Variants in CRYL1 observed in about 807,000 individuals in gnomAD.
CRYL1 encodes the protein crystallin lambda 1.
A neutral mutation model predicts 36.6 loss-of-function variants in CRYL1; 29 were observed. That is an observed-to-expected ratio of 0.79 (90% CI 0.59 to 1.08). The LOEUF (loss-of-function observed/expected upper bound fraction) is 1.08. Among genes scored for constraint, CRYL1 ranks in the 50% least tolerant of loss-of-function variants. CRYL1 has a pLI of 0.00. For missense variants in CRYL1, 411 were observed against 407.9 expected (o/e 1.01, Z -0.06); for synonymous variants, 152 against 151.5 (o/e 1.00, Z -0.02).
chr13:20,432,791 A>C (rs1244118556), intron 4 of CRYL1, among the ~76,000 whole-genome samples: 1 of 152,102 alleles, frequency 6.6e-6, no homozygotes, highest in Non-Finnish European at 1.5e-5. Context: ...GTCGAGGTGG[A>C]GGGATCACTT....
At chr13:20,489,279 C>A in intron 3 of CRYL1, 91 bp downstream of exon 3, 1 of 1,502,982 alleles carries the variant, frequency 6.7e-7, no homozygotes, top group Non-Finnish European at 9.0e-7. Flanking sequence ...CCCACACCTG[C>A]CACTGCTCTG....
At chr13:20,437,168 AAGAGAG>A (rs35923379) in intron 4 of CRYL1, among the ~76,000 whole-genome samples, 2 of 151,374 alleles carry the variant, frequency 1.3e-5, no homozygotes, top group Non-Finnish European at 1.5e-5. Context: ...AGAATAAAAA[AAGAGAG>A]AGAGAGAGAG....
chr13:20,475,956 C>T (rs890062883), intron 3 of CRYL1, among the ~76,000 whole-genome samples: 2 of 152,182 alleles, frequency 1.3e-5, no homozygotes, highest in African/African-American at 4.8e-5. Context: ...AGTGGACTTG[C>T]TCCAGGAAGG....
rs1270212821 is a variant in CRYL1 at position 20,415,987 on chromosome 13, T to G, written c.634-2600A>C. Among the ~76,000 whole-genome samples the G allele has an allele frequency of 6.6e-6, 1 of 152,178 alleles. No individual in the cohort carries two copies. On this transcript the variant is annotated intron_variant, in intron 5 of 7. Coordinates refer to ENST00000298248, the MANE Select transcript of CRYL1 (RefSeq NM_015974.3). The surrounding 1 kb of genome is among the most constrained non-coding windows in gnomAD (Gnocchi z 4.1). ...GCCTTTGGCTAGTCTGGGGCTCCTGTGAGCAGGGCAGCCAGGGTCACGCGC... is the reference window on the plus strand; with the variant it reads ...GCCTTTGGCTAGTCTGGGGCTCCTGGGAGCAGGGCAGCCAGGGTCACGCGC...
chr13:20,426,821 C>A lies in CRYL1; in HGVS notation c.633+5281G>T, dbSNP rs2031943494. 3 of 985,396 alleles carry A rather than the reference C, an allele frequency of 3.0e-6. No individual in the cohort carries two copies. In the South Asian group the frequency reaches 1.4e-4, roughly 46 times the overall value. 61.0% of individuals were successfully genotyped at this position (985,396 alleles called of 1,614,324 possible). A position where few individuals can be genotyped will look rare whatever the true frequency, so the allele number is the denominator to read the frequency against. On this transcript the variant is annotated intron_variant, in intron 5 of 7. Coordinates refer to ENST00000298248, the MANE Select transcript of CRYL1 (RefSeq NM_015974.3). ...ATGAAGTTCTGGAATCTCAGGGCCCCATCCAGATGCCCCAGACCACACCCA... is the reference window on the plus strand; with the variant it reads ...ATGAAGTTCTGGAATCTCAGGGCCCAATCCAGATGCCCCAGACCACACCCA...
intron 2 of CRYL1, among the ~76,000 whole-genome samples, chr13:20,509,873 T>A (rs903388978): frequency 6.6e-6 from 1 of 152,172 alleles, no homozygotes; most frequent in South Asian, 2.1e-4. Flanking sequence ...GAGGTTGCAG[T>A]GAGCCGAGAT....
chr13:20,493,919 G>C (rs2033560603), intron 2 of CRYL1, among the ~76,000 whole-genome samples: 2 of 152,200 alleles, frequency 1.3e-5, no homozygotes, highest in African/African-American at 4.8e-5. Flanking sequence ...CAAAGATGCA[G>C]CCGCAGAGAT....
intron 3 of CRYL1, among the ~76,000 whole-genome samples, chr13:20,449,598 C>A (rs1403952250): frequency 6.6e-6 from 1 of 151,544 alleles, no homozygotes; most frequent in Non-Finnish European, 1.5e-5. Flanking sequence ...GAAGTTCTAG[C>A]CAGAGCAATC....
intron 5 of CRYL1, among the ~76,000 whole-genome samples, chr13:20,417,176 G>A (rs866260759): frequency 6.6e-6 from 1 of 152,186 alleles, no homozygotes; most frequent in Admixed American, 6.5e-5. Context: ...ACTTGGTGCT[G>A]AACTAAAGCT....
At chr13:20,404,439 C>T (rs2137357235) in intron 7 of CRYL1, among the ~76,000 whole-genome samples, 196 bp downstream of exon 7, 1 of 152,246 alleles carries the variant, frequency 6.6e-6, no homozygotes, top group Non-Finnish European at 1.5e-5. Flanking sequence ...GCTACCAGTT[C>T]ACTGGTCACC....
At chr13:20,478,924 T>A (rs76983204) in intron 3 of CRYL1, among the ~76,000 whole-genome samples, 2 of 149,346 alleles carry the variant, frequency 1.3e-5, no homozygotes, top group Non-Finnish European at 3.0e-5. Flanking sequence ...CCAGCTAATT[T>A]TTTTTTTTTT....
chr13:20,404,549 GCCCA>G, intron 7 of CRYL1, 82 bp downstream of exon 7: 1 of 834,748 alleles, frequency 1.2e-6, no homozygotes, highest in Non-Finnish European at 2.0e-6. Flanking sequence ...GCAGAGGCAG[GCCCA>G]CCCGCTGCAG....
At chr13:20,489,863 T>C (rs2033475639) in intron 2 of CRYL1, among the ~76,000 whole-genome samples, 1 of 152,224 alleles carries the variant, frequency 6.6e-6, no homozygotes, top group Admixed American at 6.5e-5. Context: ...AGCAGCATTA[T>C]TCACAATAGC....
At chr13:20,462,167 T>A (rs1593461028) in intron 3 of CRYL1, among the ~76,000 whole-genome samples, 1 of 113,878 alleles carries the variant, frequency 8.8e-6, no homozygotes, top group East Asian at 2.7e-4. Context: ...AGGGATAAGG[T>A]GGCAGGACGA....
intron 1 of CRYL1, among the ~76,000 whole-genome samples, chr13:20,523,389 G>A (rs528246068): frequency 5.3e-5 from 8 of 152,194 alleles, no homozygotes; most frequent in East Asian, 1.9e-4. Context: ...AAAGATCAGC[G>A]GAAAAGAATT....
At chr13:20,502,650 G>T (rs191516918) in intron 2 of CRYL1, among the ~76,000 whole-genome samples, 1 of 151,302 alleles carries the variant, frequency 6.6e-6, no homozygotes, top group African/African-American at 2.4e-5. Context: ...GCGAGACTCC[G>T]TCTCAAAAAA....
chr13:20,442,761 G>T (rs1301630829), intron 3 of CRYL1, among the ~76,000 whole-genome samples: 1 of 152,234 alleles, frequency 6.6e-6, no homozygotes, highest in African/African-American at 2.4e-5. Context: ...ATCTTTCAAA[G>T]CACTGACTTT....
chr13:20,473,671 G>A (rs1364376139), intron 3 of CRYL1, among the ~76,000 whole-genome samples: 3 of 152,242 alleles, frequency 2.0e-5, no homozygotes, highest in East Asian at 1.9e-4. Flanking sequence ...GAAGGAGCCC[G>A]TTGGTGAAAG....
At chr13:20,427,468 C>T (rs1009962539) in intron 5 of CRYL1, among the ~76,000 whole-genome samples, 3 of 152,132 alleles carry the variant, frequency 2.0e-5, no homozygotes, top group Non-Finnish European at 4.4e-5. Flanking sequence ...AGGGGAGCGT[C>T]TCATAGCCCA....
Sources: gnomAD v4.1 joint callset for allele counts (sites outside exome capture counted in the v4.1 genomes callset) on GRCh38, gnomAD v4.1.1 for gene constraint, Gnocchi (gnomAD v3.1) non-coding constraint, MANE v1.5 for transcripts, NCBI Gene and HGNC (gene_info 2026-07-23, HGNC 2026-07-21) for gene names.